The following PITPNA variants were observed in gnomAD, a reference collection of about 807,000 sequenced individuals.
PITPNA encodes the protein phosphatidylinositol transfer protein alpha isoform.
In PITPNA, 13 loss-of-function variants were observed where a neutral mutation model predicts 50.3. The observed-to-expected ratio is 0.26, with a 90% confidence interval of 0.17 to 0.41. The LOEUF is 0.41. PITPNA is among the 10% of genes least tolerant of loss of function. The probability of loss-of-function intolerance (pLI) is 1.00; values close to 1 mark genes in which losing one functional copy is unlikely to be tolerated. For synonymous variants in PITPNA, 120 were observed against 119.6 expected, an observed-to-expected ratio of 1.00 and a Z score of -0.02; for missense variants, 207 against 333.4, an observed-to-expected ratio of 0.62 and a Z score of 2.95.
chr17:1,536,364 T>C (rs1223937769), intron 7 of PITPNA, among the ~76,000 whole-genome samples: 1 of 148,062 alleles, frequency 6.8e-6, no homozygotes, highest in East Asian at 2.1e-4. Context: ...CTCGGCTCAC[T>C]GCAAGCTCCA....
At chr17:1,545,802 C>T (rs1464345869) in intron 4 of PITPNA, among the ~76,000 whole-genome samples, 1 of 152,108 alleles carries the variant, frequency 6.6e-6, no homozygotes, top group Non-Finnish European at 1.5e-5. Flanking sequence ...CAGAACCCTG[C>T]CCCAGGCAGG....
intron 4 of PITPNA, among the ~76,000 whole-genome samples, chr17:1,546,488 C>T (rs932848673): frequency 6.6e-6 from 1 of 152,166 alleles, no homozygotes; most frequent in Non-Finnish European, 1.5e-5. Context: ...GGGTGATATG[C>T]GTCACGTAAG....
intron 8 of PITPNA, 43 bp from the exon 9 acceptor site, chr17:1,535,335 C>G: frequency 6.5e-7 from 1 of 1,533,440 alleles, no homozygotes; most frequent in Non-Finnish European, 9.0e-7. Flanking sequence ...TAACAACGGG[C>G]AGACCTCAGG....
At chr17:1,530,485 G>T (rs970716571) in intron 10 of PITPNA, among the ~76,000 whole-genome samples, 1 of 152,156 alleles carries the variant, frequency 6.6e-6, no homozygotes, top group Non-Finnish European at 1.5e-5. Flanking sequence ...AAGAATGGTG[G>T]GTCCGCCCGG....
chr17:1,524,237 G>A (rs1008544607), intron 10 of PITPNA, among the ~76,000 whole-genome samples: 4 of 148,934 alleles, frequency 2.7e-5, no homozygotes, highest in South Asian at 2.1e-4. Flanking sequence ...GTAGAGACGG[G>A]GTTTCACCAT....
chr17:1,547,620 A>G (rs1390156047), intron 4 of PITPNA, among the ~76,000 whole-genome samples: 1 of 152,168 alleles, frequency 6.6e-6, no homozygotes, highest in Admixed American at 6.5e-5. Flanking sequence ...ATTGCTCTCC[A>G]GCCTAGGCAA....
At position 1,562,462 on chromosome 17, in the gene PITPNA, G is replaced by T; in HGVS notation, c.20+79C>A. The T allele has an allele frequency of 8.2e-7, 1 of 1,213,802 alleles. No homozygotes were observed. Among genetic ancestry groups the T allele is most frequent in the Non-Finnish European group, 1.1e-6 (1 of 908,494 alleles). The allele number at this position is 1,213,802 out of a possible 1,614,324, so 75.2% of individuals were successfully genotyped here. Reference sequence around the variant, plus strand: ...GCCCCTCCGTCCATCCGGGCCCTGCGTCCCTCGCCGCGCCGTCGCCCCGGC... The same window carrying T: ...GCCCCTCCGTCCATCCGGGCCCTGCTTCCCTCGCCGCGCCGTCGCCCCGGC... On this transcript the variant is annotated intron_variant, in intron 1 of 11. Transcript: ENST00000313486. This position sits in a 1 kb window ranked among gnomAD's most constrained non-coding sequence, Gnocchi z 6.4.
intron 4 of PITPNA, among the ~76,000 whole-genome samples, chr17:1,545,439 T>A (rs2075668177): frequency 6.6e-6 from 1 of 152,208 alleles, no homozygotes; most frequent in African/African-American, 2.4e-5. Context: ...TGCTGGTATC[T>A]CTTATTTTAA....
rs2075477101 is a variant in PITPNA at position 1,518,026 on chromosome 17, A to G, written c.*2535T>C. The stretch of plus-strand genomic sequence containing the variant: ...TTTTATTAGACTGCTTTTTTTCTCA[A>G]TATACCTGTATTGGAAGATTGAGAC... On this transcript the variant is annotated 3_prime_UTR_variant, in exon 12 of 12. Coordinates refer to ENST00000313486, the MANE Select transcript of PITPNA (RefSeq NM_006224.4). The G allele has an allele frequency of 6.6e-6, 1 of 152,650 alleles. No homozygotes were observed. The highest frequency in any genetic ancestry group is 2.4e-5 in the African/African-American group (1 of 41,450). 9.5% of individuals were successfully genotyped at this position (152,650 alleles called of 1,614,324 possible).
chr17:1,543,091 G>A, intron 4 of PITPNA, 64 bp from the exon 5 acceptor site: 1 of 1,295,392 alleles, frequency 7.7e-7, no homozygotes, highest in Non-Finnish European at 1.1e-6. Flanking sequence ...AGAAATATCT[G>A]CCCCCCACCC....
chr17:1,544,589 A>C (rs2075663706), intron 4 of PITPNA, among the ~76,000 whole-genome samples: 1 of 152,226 alleles, frequency 6.6e-6, no homozygotes, highest in African/African-American at 2.4e-5. Context: ...AGCCGCAGGA[A>C]ATCTTTTGCA....
At chr17:1,531,253 G>C (rs2075581047) in intron 10 of PITPNA, among the ~76,000 whole-genome samples, 2 of 152,146 alleles carry the variant, frequency 1.3e-5, no homozygotes, top group African/African-American at 4.8e-5. Flanking sequence ...CCCACAGCAA[G>C]AGACAGGGGA....
intron 2 of PITPNA, among the ~76,000 whole-genome samples, chr17:1,558,059 CATCTCTACTAAAGATATAAAA>C (rs2075746266): frequency 6.6e-6 from 1 of 152,026 alleles, no homozygotes; most frequent in African/African-American, 2.4e-5. Context: ...GGTGAAAGCC[CATCTCTACTAAAGATATAAAA>C]ATTAGCCGGG....
chr17:1,554,005 C>A (rs955445242), intron 2 of PITPNA, among the ~76,000 whole-genome samples: 3 of 152,148 alleles, frequency 2.0e-5, no homozygotes, highest in African/African-American at 2.4e-5. Flanking sequence ...CCTAGTTTTC[C>A]TTTATTTGGG....
At chr17:1,539,453 C>T (rs2075636848) in intron 6 of PITPNA, among the ~76,000 whole-genome samples, 1 of 151,264 alleles carries the variant, frequency 6.6e-6, no homozygotes, top group African/African-American at 2.4e-5. Flanking sequence ...CCTCCTGTCA[C>T]AGCCTCCTGA....
chr17:1,561,944 C>T (rs1567590263), intron 1 of PITPNA, among the ~76,000 whole-genome samples: 1 of 152,202 alleles, frequency 6.6e-6, no homozygotes, highest in Non-Finnish European at 1.5e-5. Flanking sequence ...CCGGGAGGCC[C>T]TGCCTGCCCC....
chr17:1,522,071 CT>C (rs1555530261), intron 10 of PITPNA, among the ~76,000 whole-genome samples: 28 of 141,552 alleles, frequency 2.0e-4, no homozygotes, highest in Non-Finnish European at 2.0e-4. Context: ...TATGAAACAT[CT>C]TTTTTTTTTT....
chr17:1,555,984 T>C (rs1055439857), intron 2 of PITPNA, among the ~76,000 whole-genome samples: 1 of 152,234 alleles, frequency 6.6e-6, no homozygotes, highest in African/African-American at 2.4e-5. Context: ...TTTCCCTTTC[T>C]TCACTTTCCC....
chr17:1,532,158 G>T (rs553181044), intron 10 of PITPNA, among the ~76,000 whole-genome samples: 3 of 152,232 alleles, frequency 2.0e-5, no homozygotes, highest in Admixed American at 1.3e-4. Context: ...CATGATCTCT[G>T]CTCACTGCAA....
Sources: gnomAD v4.1 joint callset for allele counts (sites outside exome capture counted in the v4.1 genomes callset) on GRCh38, gnomAD v4.1.1 for gene constraint, Gnocchi (gnomAD v3.1) non-coding constraint, MANE v1.5 for transcripts, NCBI Gene and HGNC (gene_info 2026-07-23, HGNC 2026-07-21) for gene names.